C1GALT1: variants seen among roughly 807,000 people sequenced by gnomAD.
C1GALT1 encodes core 1 synthase, glycoprotein-N-acetylgalactosamine 3-beta-galactosyltransferase 1, also known as glycoprotein-N-acetylgalactosamine 3-beta-galactosyltransferase 1.
A neutral mutation model predicts 31.0 loss-of-function variants in C1GALT1; 11 were observed. The ratio of observed to expected loss-of-function variants is 0.36; its 90% CI spans 0.22 to 0.59. C1GALT1 has a LOEUF of 0.59. C1GALT1 is among the 20% of genes least tolerant of loss of function. C1GALT1 has a pLI of 0.79. For synonymous variants in C1GALT1, 175 were observed against 143.6 expected (o/e 1.22, Z -1.56); for missense variants, 424 against 425.2 (o/e 1.00, Z 0.03).
intron 1 of C1GALT1, among the ~76,000 whole-genome samples, chr7:7,198,220 T>A (rs1225394210): frequency 1.3e-5 from 2 of 152,174 alleles, no homozygotes; most frequent in Admixed American, 6.5e-5. Context: ...AATACCTAAT[T>A]TATTGAGAGT....
intron 1 of C1GALT1, among the ~76,000 whole-genome samples, chr7:7,216,290 T>C (rs1782234627): frequency 6.6e-6 from 1 of 152,212 alleles, no homozygotes; most frequent in Non-Finnish European, 1.5e-5. Flanking sequence ...GGGTATCCTC[T>C]GAATGTCTTA....
intron 1 of C1GALT1, among the ~76,000 whole-genome samples, chr7:7,186,685 A>T (rs1294887687): frequency 1.3e-5 from 2 of 152,246 alleles, no homozygotes; most frequent in African/African-American, 4.8e-5. Context: ...AAGGAGTTGG[A>T]GAGTGAGCCA....
chr7:7,219,984 G>C (rs1295854474), intron 1 of C1GALT1, among the ~76,000 whole-genome samples: 1 of 152,128 alleles, frequency 6.6e-6, no homozygotes, highest in Non-Finnish European at 1.5e-5. Context: ...TATTGATTCT[G>C]ATTTGGGATA....
intron 1 of C1GALT1, among the ~76,000 whole-genome samples, chr7:7,224,713 T>A (rs1782673293): frequency 6.6e-6 from 1 of 152,124 alleles, no homozygotes; most frequent in Admixed American, 6.5e-5. Context: ...ATTGGTAGTT[T>A]GTGTCTCAAT....
At chr7:7,230,709 C>T (rs1783034965) in intron 1 of C1GALT1, among the ~76,000 whole-genome samples, 1 of 125,092 alleles carries the variant, frequency 8.0e-6, no homozygotes, top group Non-Finnish European at 1.7e-5. Flanking sequence ...TATTGTTTTA[C>T]TGTTTGTTTG....
At chr7:7,178,216 C>A, upstream of C1GALT1, 1 of 228,152 alleles carries the variant, frequency 4.4e-6, no homozygotes, top group South Asian at 7.8e-5. Flanking sequence ...TGAACCGCCC[C>A]CTTGGTAGAC....
intron 1 of C1GALT1, among the ~76,000 whole-genome samples, chr7:7,199,941 C>T (rs7804767): frequency 0.032 from 4,883 of 152,218 alleles, 275 homozygotes; most frequent in African/African-American, 0.11. Flanking sequence ...TGTCTCTGCA[C>T]GTGAGATGGG....
At chr7:7,181,624 C>T (rs1739952534), upstream of C1GALT1, among the ~76,000 whole-genome samples, 1 of 152,176 alleles carries the variant, frequency 6.6e-6, no homozygotes, top group Non-Finnish European at 1.5e-5. Context: ...CTCAGGCATT[C>T]TAAGTAACTT....
intron 1 of C1GALT1, among the ~76,000 whole-genome samples, chr7:7,188,469 G>C (rs1250791348): frequency 6.6e-6 from 1 of 152,012 alleles, no homozygotes; most frequent in African/African-American, 2.4e-5. Flanking sequence ...GAAATTAGTG[G>C]ACTTTAATTT....
chr7:7,218,720 C>T (rs1479740935), intron 1 of C1GALT1, among the ~76,000 whole-genome samples: 1 of 152,148 alleles, frequency 6.6e-6, no homozygotes, highest in Non-Finnish European at 1.5e-5. Flanking sequence ...ATCTTTGGCT[C>T]CTAGTACAAT....
chr7:7,227,082 G>A (rs1428234019), intron 1 of C1GALT1, among the ~76,000 whole-genome samples: 2 of 152,204 alleles, frequency 1.3e-5, no homozygotes, highest in East Asian at 3.9e-4. Flanking sequence ...AATTTTTAGA[G>A]GGATCCTTTA....
Position 7,234,486 on chromosome 7 carries a change from A to G in C1GALT1, c.167A>G (p.Gln56Arg). The stretch of plus-strand genomic sequence containing the variant: ...GCAAGGCATTCAGATGATAATGGAC[A>G]GAATCATCTAGAAGGACAAATGAAC... ...PHARHSDDNG[Q>R]NHLEGQMNFN... is the part of the protein sequence containing the mutation. Residue 56 changes from glutamine to arginine, a missense_variant, in exon 2 of 4, where the codon CAG (glutamine) becomes CGG (arginine). Gln to Arg is a conservative substitution (Grantham distance 43). This residue lies in a region of C1GALT1 where 189 missense variants were observed against 158.2 expected (regional missense o/e 1.19). Transcript: ENST00000436587. The G allele has an allele frequency of 6.2e-7, 1 of 1,613,914 alleles. No homozygotes were observed. The highest frequency in any genetic ancestry group is 1.3e-5 in the African/African-American group (1 of 75,060).
At chr7:7,211,954 T>G (rs927069482) in intron 1 of C1GALT1, among the ~76,000 whole-genome samples, 2 of 152,168 alleles carry the variant, frequency 1.3e-5, no homozygotes, top group Admixed American at 1.3e-4. Context: ...GGAGCAAAAT[T>G]TTCTCTCCAG....
intron 1 of C1GALT1, among the ~76,000 whole-genome samples, chr7:7,231,820 G>A (rs975602868): frequency 6.6e-6 from 1 of 151,776 alleles, no homozygotes; most frequent in Non-Finnish European, 1.5e-5. Context: ...GATAATTTGA[G>A]GTTCTTCATG....
intron 1 of C1GALT1, among the ~76,000 whole-genome samples, chr7:7,205,221 C>T (rs905297816): frequency 1.3e-5 from 2 of 152,050 alleles, no homozygotes; most frequent in Admixed American, 6.6e-5. Context: ...ATATAGCTGA[C>T]CCCTGAACAA....
At chr7:7,198,324 A>G (rs1781387147) in intron 1 of C1GALT1, among the ~76,000 whole-genome samples, 1 of 152,082 alleles carries the variant, frequency 6.6e-6, no homozygotes, top group Non-Finnish European at 1.5e-5. Flanking sequence ...TGTTTATATG[A>G]TGGATTACGT....
At chr7:7,198,591 A>T (rs1387126845) in intron 1 of C1GALT1, among the ~76,000 whole-genome samples, 1 of 152,086 alleles carries the variant, frequency 6.6e-6, no homozygotes, top group African/African-American at 2.4e-5. Context: ...GTTGATTGGG[A>T]TAGTTTCAGA....
chr7:7,181,120 G>C (rs1366078653), upstream of C1GALT1, among the ~76,000 whole-genome samples: 2 of 146,442 alleles, frequency 1.4e-5, no homozygotes, highest in Admixed American at 6.8e-5. Context: ...GGAGTTGTGA[G>C]TTTTGGTTTC....
At position 7,238,934 on chromosome 7, in the gene C1GALT1, A is replaced by G. The variant is rs775421179; in HGVS notation, c.888+12A>G. 6.3e-7 allele frequency: 1 copy of G among 1,583,162 alleles called. No individual in the cohort carries two copies. The highest frequency in any genetic ancestry group is 1.1e-5 in the South Asian group (1 of 87,112). On this transcript the variant is annotated intron_variant, in intron 3 of 3. Coordinates refer to ENST00000436587, the MANE Select transcript of C1GALT1 (RefSeq NM_020156.5). This position sits in a 1 kb window ranked among gnomAD's most constrained non-coding sequence, Gnocchi z 5.2. ...ATCCTCCTGTAGAGGTAAGTTTAGA[A>G]ATTTTATTACTATGTCAATACTTGG... is the stretch of plus-strand genomic sequence containing the variant.
Sources: gnomAD v4.1 joint callset for allele counts (sites outside exome capture counted in the v4.1 genomes callset) on GRCh38, gnomAD v4.1.1 for gene constraint, gnomAD v4.1.1 regional missense constraint, Gnocchi (gnomAD v3.1) non-coding constraint, MANE v1.5 for transcripts, NCBI Gene and HGNC (gene_info 2026-07-23, HGNC 2026-07-21) for gene names.